The following EPS15L1 variants were observed in gnomAD, a reference collection of about 807,000 sequenced individuals.
EPS15L1 encodes epidermal growth factor receptor substrate 15-like 1.
Under a neutral mutation model 117.1 loss-of-function variants are expected in EPS15L1, and 43 were observed. The observed-to-expected ratio is 0.37, with a 90% CI of 0.29 to 0.47. The LOEUF (loss-of-function observed/expected upper bound fraction) is 0.47, where lower values mean the gene tolerates loss of function less well. EPS15L1 is among the 20% of genes least tolerant of loss of function. The probability of loss-of-function intolerance (pLI) is 0.99; values close to 1 mark genes in which losing one functional copy is unlikely to be tolerated. For missense variants in EPS15L1, 981 were observed against 1,164.0 expected, an observed-to-expected ratio of 0.84 and a Z score of 2.29; for synonymous variants, 459 against 470.5, an observed-to-expected ratio of 0.98 and a Z score of 0.32.
chr19:16,401,399 G>C, intron 16 of EPS15L1: 1 of 985,414 alleles, frequency 1.0e-6, no homozygotes, highest in Non-Finnish European at 1.2e-6. Context: ...ATTCCAGGGA[G>C]GAAGAGGAAT....
rs1159600531 is a variant in EPS15L1 at position 16,355,813 on chromosome 19, C to G, written c.2625G>C (p.Arg875=). 2 of 1,536,028 alleles carry G rather than the reference C, an allele frequency of 1.3e-6. No homozygotes were observed. The highest frequency in any genetic ancestry group is 2.7e-5 in the African/African-American group (2 of 73,056). The part of the protein sequence containing the change: ...NEEQQLAWAK[R]ESEKAEQERL... The stretch of plus-strand genomic sequence containing the variant: ...TCTCCTGTTCCGCCTTCTCGCTCTC[C>G]CGCTTGGCCCACGCCAGCTGCTGCT... Residue 875 remains arginine, a synonymous_variant, in exon 24 of 24, where the codon CGG becomes CGC. Coordinates refer to ENST00000455140, the MANE Select transcript of EPS15L1 (RefSeq NM_001258374.3).
chr19:16,363,551 C>T (rs761348500), intron 22 of EPS15L1, among the ~76,000 whole-genome samples: 1 of 152,238 alleles, frequency 6.6e-6, no homozygotes, highest in Non-Finnish European at 1.5e-5. Flanking sequence ...CCCCAGGTGT[C>T]CTTGTGGGCT....
At chr19:16,373,918 C>A (rs1289011361) in intron 22 of EPS15L1, among the ~76,000 whole-genome samples, 1 of 152,230 alleles carries the variant, frequency 6.6e-6, no homozygotes, top group African/African-American at 2.4e-5. Flanking sequence ...TACCTACCAC[C>A]CAGCAGCGAG....
At chr19:16,387,115 A>C (rs2092428287) in intron 19 of EPS15L1, among the ~76,000 whole-genome samples, 1 of 152,252 alleles carries the variant, frequency 6.6e-6, no homozygotes, top group Non-Finnish European at 1.5e-5. Context: ...AGGAAAATAC[A>C]CTTAAAATGA....
intron 8 of EPS15L1, among the ~76,000 whole-genome samples, chr19:16,428,414 GGGAAGGAA>G (rs770246482): frequency 2.5e-4 from 33 of 133,302 alleles, no homozygotes; most frequent in Non-Finnish European, 3.1e-4. Context: ...AAGGGAGGGA[GGGAAGGAA>G]GGAAGGAAGG....
chr19:16,399,230 G>GTT (rs965253221), intron 16 of EPS15L1, among the ~76,000 whole-genome samples: 1 of 152,256 alleles, frequency 6.6e-6, no homozygotes, highest in Non-Finnish European at 1.5e-5. Flanking sequence ...ACTAATAGTG[G>GTT]TTTTGATTCC....
chr19:16,370,027 G>A lies in EPS15L1; in HGVS notation c.2380+7095C>T, dbSNP rs999732258. 3.9e-5 allele frequency among the ~76,000 whole-genome samples: 6 copies of A among 152,158 alleles called. No homozygotes were observed. Among genetic ancestry groups the A allele is most frequent in the African/African-American group, 1.4e-4 (6 of 41,410 alleles). Reference sequence around the variant, plus strand: ...CCACCTCTGCAAAGGGTAGGAAGGCGCCTTGCCCACATGTAACAAGATCCC... The same window carrying A: ...CCACCTCTGCAAAGGGTAGGAAGGCACCTTGCCCACATGTAACAAGATCCC... On this transcript the variant is annotated intron_variant, in intron 22 of 23. Coordinates refer to ENST00000455140, the MANE Select transcript of EPS15L1 (RefSeq NM_001258374.3). This position sits in a 1 kb window ranked among gnomAD's most constrained non-coding sequence, Gnocchi z 5.2.
chr19:16,454,710 C>G (rs1183130693), intron 1 of EPS15L1, among the ~76,000 whole-genome samples: 1 of 152,150 alleles, frequency 6.6e-6, no homozygotes, highest in East Asian at 1.9e-4. Context: ...AACCAACAAG[C>G]AAGAGAACTG....
intron 1 of EPS15L1, among the ~76,000 whole-genome samples, chr19:16,442,479 A>AAAC (rs1414581681): frequency 6.6e-6 from 1 of 152,204 alleles, no homozygotes; most frequent in African/African-American, 2.4e-5. Flanking sequence ...GTCACTCAGG[A>AAAC]AACAGCAGCA....
chr19:16,440,097 C>A (rs1045576242), intron 4 of EPS15L1, among the ~76,000 whole-genome samples: 2 of 147,388 alleles, frequency 1.4e-5, no homozygotes, highest in Admixed American at 6.8e-5. Context: ...CTGATTAAGG[C>A]CTTTAGTCAA....
intron 23 of EPS15L1, among the ~76,000 whole-genome samples, chr19:16,361,062 C>T (rs147863066): frequency 1.3e-5 from 2 of 152,260 alleles, no homozygotes; most frequent in East Asian, 1.9e-4. Flanking sequence ...GAAGCGACGG[C>T]ATGTTACAAT....
chr19:16,404,894 AC>A lies in EPS15L1; in HGVS notation c.1267-146del. The stretch of plus-strand genomic sequence containing the variant: ...TGCTCAGGGCCAGCATTCCGTGCAC[AC>A]CCACGGCCAATGTGTGCCTCTTGGG... On this transcript the variant is annotated intron_variant, in intron 13 of 23. Coordinates refer to ENST00000455140, the MANE Select transcript of EPS15L1 (RefSeq NM_001258374.3). The surrounding 1 kb of genome is among the most constrained non-coding windows in gnomAD (Gnocchi z 4.2). 1.2e-6 allele frequency: 1 copy of A among 840,608 alleles called. No homozygotes were observed. The highest frequency in any genetic ancestry group is 1.9e-6 in the Non-Finnish European group (1 of 532,754). The allele number at this position is 840,608 out of a possible 1,614,324, so 52.1% of individuals were successfully genotyped here. A position where few individuals can be genotyped will look rare whatever the true frequency, so the allele number is the denominator to read the frequency against.
chr19:16,361,843 A>C lies in EPS15L1; in HGVS notation c.2522T>G (p.Phe841Cys), dbSNP rs1198716828. The C allele has an allele frequency of 6.2e-7, 1 of 1,614,052 alleles. No homozygotes were observed. Among genetic ancestry groups the C allele is most frequent in the African/African-American group, 1.3e-5 (1 of 75,028 alleles). The change falls in exon 23 of 24, where the codon TTT becomes TGT. Residue 841 changes from phenylalanine to cysteine, a missense_variant. Around this residue, in one of 5 missense-constraint regions of EPS15L1, gnomAD observed 819 missense variants for 949.0 expected, o/e 0.86. Transcript: ENST00000455140. ...FGDPFSGKDPFVPSSAAKPSK... is the reference protein window; with the variant it reads ...FGDPFSGKDPCVPSSAAKPSK... ...AGGTTTAGCTGCAGAGGAGGGGACA[A>C]ATGGGTCTTTTCCACTAAACGGGTC...
intron 6 of EPS15L1, 133 bp from the exon 7 acceptor site, chr19:16,434,623 CT>C: frequency 2.1e-6 from 2 of 940,842 alleles, no homozygotes; most frequent in Non-Finnish European, 3.2e-6. Context: ...ACAAAATGAT[CT>C]TAGAACAGTC....
chr19:16,398,890 G>C (rs762445473), intron 16 of EPS15L1, among the ~76,000 whole-genome samples: 1 of 152,152 alleles, frequency 6.6e-6, no homozygotes, highest in Non-Finnish European at 1.5e-5. Flanking sequence ...CAGAACTCCC[G>C]GGCTCAAGGA....
intron 21 of EPS15L1, among the ~76,000 whole-genome samples, chr19:16,384,766 G>A (rs1024725287): frequency 2.0e-5 from 3 of 152,212 alleles, no homozygotes; most frequent in African/African-American, 7.2e-5. Context: ...CACTTTCCCT[G>A]GACGCCTCGC....
intron 16 of EPS15L1, among the ~76,000 whole-genome samples, chr19:16,396,917 G>A (rs905510906): frequency 9.9e-5 from 15 of 152,060 alleles, no homozygotes; most frequent in Admixed American, 2.0e-4. Context: ...TCACAGTGAC[G>A]AAGTAGAACA....
At position 16,428,718 on chromosome 19, in the gene EPS15L1, C is replaced by A. The variant is rs867206024; in HGVS notation, c.542G>T (p.Arg181Leu). The A allele has an allele frequency of 1.2e-6, 2 of 1,611,570 alleles. No individual in the cohort carries two copies. The highest frequency in any genetic ancestry group is 2.2e-5 in the East Asian group (1 of 44,844). Residue 181 changes from arginine (R) to leucine (L), a missense_variant, in exon 8 of 24, where the codon CGA (arginine) becomes CTA (leucine). Arg to Leu is a moderately radical substitution (Grantham distance 102). Transcript: ENST00000455140. ...AGGACTTACCACAGCGAACTCATCT[C>A]GATCCAAGTGCCCATCCTTGTCAAT... ...SDIDKDGHLD[R>L]DEFAVAMHLV...
chr19:16,463,722 C>T (rs973036032), intron 1 of EPS15L1, among the ~76,000 whole-genome samples: 1 of 152,140 alleles, frequency 6.6e-6, no homozygotes, highest in African/African-American at 2.4e-5. Context: ...CATCAATCAA[C>T]CCCGCAAAGA....
Sources: gnomAD v4.1 joint callset for allele counts (sites outside exome capture counted in the v4.1 genomes callset) on GRCh38, gnomAD v4.1.1 for gene constraint, gnomAD v4.1.1 regional missense constraint, Gnocchi (gnomAD v3.1) non-coding constraint, MANE v1.5 for transcripts, NCBI Gene and HGNC (gene_info 2026-07-23, HGNC 2026-07-21) for gene names.